RPS6KA2: variants seen among roughly 807,000 people sequenced by gnomAD.
The protein encoded by RPS6KA2 is ribosomal protein S6 kinase A2.
A neutral mutation model predicts 91.8 loss-of-function variants in RPS6KA2; 42 were observed. The observed-to-expected ratio is 0.46, with a 90% CI of 0.36 to 0.59. RPS6KA2 has a LOEUF of 0.59. Ranked by LOEUF, RPS6KA2 falls within the 20% of genes least tolerant of loss-of-function variation. The probability of loss-of-function intolerance (pLI) is 0.00; values close to 1 mark genes in which losing one functional copy is unlikely to be tolerated. For synonymous variants in RPS6KA2, 414 were observed against 393.6 expected (o/e 1.05, Z -0.61); for missense variants, 798 against 978.5 (o/e 0.82, Z 2.46).
chr6:166,565,097 C>G (rs1210820171), intron 1 of RPS6KA2, among the ~76,000 whole-genome samples: 1 of 152,316 alleles, frequency 6.6e-6, no homozygotes, highest in South Asian at 2.1e-4. Flanking sequence ...AAAGTCACTC[C>G]TGCATCTTCC....
intron 2 of RPS6KA2, among the ~76,000 whole-genome samples, chr6:166,840,342 T>C (rs974203268): frequency 2.6e-5 from 4 of 152,206 alleles, no homozygotes; most frequent in Admixed American, 2.0e-4. Context: ...CAGGCTTTCA[T>C]GTGAGAGTGC....
At chr6:166,602,798 C>T (rs1040169848) in intron 1 of RPS6KA2, among the ~76,000 whole-genome samples, 65 of 152,294 alleles carry the variant, frequency 4.3e-4, no homozygotes, top group African/African-American at 1.5e-3. Context: ...GTATCGATAA[C>T]TTCTTGATTT....
chr6:166,478,221 G>A (rs1316833515), intron 10 of RPS6KA2, among the ~76,000 whole-genome samples: 2 of 152,220 alleles, frequency 1.3e-5, no homozygotes, highest in East Asian at 1.9e-4. Context: ...GAGGCGGCAC[G>A]TCCCTTGCAC....
chr6:166,761,246 T>C (rs1363572682), intron 2 of RPS6KA2, among the ~76,000 whole-genome samples: 1 of 152,138 alleles, frequency 6.6e-6, no homozygotes, highest in East Asian at 1.9e-4. Flanking sequence ...GATTTCACCA[T>C]GTTGCCCGGG....
chr6:166,517,462 T>TTTTTG lies in RPS6KA2; in HGVS notation c.299-7106_299-7105insCAAAA, dbSNP rs1562550811. The stretch of plus-strand genomic sequence containing the variant: ...AAGGCGTTCTTTTGTTTTGTTTTTT[T>TTTTTG]TTTTTTTTTTTTTTTTTTTTTTTTG... On this transcript the variant is annotated intron_variant, in intron 3 of 20. Coordinates refer to ENST00000265678, the MANE Select transcript of RPS6KA2 (RefSeq NM_021135.6). Among the ~76,000 whole-genome samples the TTTTTG allele has an allele frequency of 3.4e-5, 2 of 59,322 alleles. 1 individual carries two copies. Among genetic ancestry groups the TTTTTG allele is most frequent in the African/African-American group, 1.0e-4 (2 of 19,432 alleles). 38.9% of individuals were successfully genotyped at this position (59,322 alleles called of 152,430 possible).
intron 2 of RPS6KA2, among the ~76,000 whole-genome samples, chr6:166,798,520 T>G (rs1779281218): frequency 6.6e-6 from 1 of 152,252 alleles, no homozygotes; most frequent in East Asian, 1.9e-4. Context: ...GAGCGCTCCC[T>G]GTTCCGGCTG....
rs540757831 is a variant in RPS6KA2 at position 166,419,782 on chromosome 6, C to T, written c.1820+100G>A. The T allele has an allele frequency of 3.2e-5, 34 of 1,066,472 alleles. No homozygotes were observed. The Admixed American group carries it at 3.5e-4, about 11-fold the overall frequency. 66.1% of individuals were successfully genotyped at this position (1,066,472 alleles called of 1,614,324 possible). On this transcript the variant is annotated intron_variant, in intron 18 of 20. Transcript: ENST00000265678. This position sits in a 1 kb window ranked among gnomAD's most constrained non-coding sequence, Gnocchi z 5.6. Reference sequence around the variant, plus strand: ...CATACACGTTGGGTTTGCCCACATGCGCACACTAGGACAGGGCTGGCCCTG... The same window carrying T: ...CATACACGTTGGGTTTGCCCACATGTGCACACTAGGACAGGGCTGGCCCTG...
At chr6:166,518,412 G>T (rs1782735127) in intron 3 of RPS6KA2, among the ~76,000 whole-genome samples, 1 of 151,678 alleles carries the variant, frequency 6.6e-6, no homozygotes, top group South Asian at 2.1e-4. Flanking sequence ...CATTCAAAAA[G>T]ATTATAAAAT....
chr6:166,515,570 G>T (rs371405440), intron 3 of RPS6KA2, among the ~76,000 whole-genome samples: 4 of 152,184 alleles, frequency 2.6e-5, no homozygotes, highest in Admixed American at 2.0e-4. Flanking sequence ...CAGCATCGGC[G>T]TGACGTCATT....
intron 4 of RPS6KA2, chr6:166,509,519 C>G (rs564731455): frequency 6.2e-6 from 1 of 160,550 alleles, no homozygotes; most frequent in Admixed American, 6.5e-5. Flanking sequence ...CTCAGATTCA[C>G]GCAAATCTCA....
At chr6:166,505,850 C>G (rs903552923) in intron 5 of RPS6KA2, among the ~76,000 whole-genome samples, 4 of 152,256 alleles carry the variant, frequency 2.6e-5, no homozygotes, top group African/African-American at 7.2e-5. Context: ...GACTGACTGA[C>G]AGCACGTTCT....
intron 10 of RPS6KA2, among the ~76,000 whole-genome samples, chr6:166,478,204 G>C (rs2128468498): frequency 6.6e-6 from 1 of 152,328 alleles, no homozygotes; most frequent in East Asian, 1.9e-4. Context: ...CGCGGTGCCT[G>C]CCACCTGAGG....
At position 166,490,687 on chromosome 6, in the gene RPS6KA2, T is replaced by C. The variant is rs1353018457; in HGVS notation, c.802A>G (p.Met268Val). Residue 268 changes from methionine (M) to valine (V), a missense_variant, in exon 9 of 21, where the codon ATG (methionine) becomes GTG (valine). Transcript: ENST00000265678. This position sits in a 1 kb window ranked among gnomAD's most constrained non-coding sequence, Gnocchi z 4.2. ...PFQGKDRKET[M>V]ALILKAKLGM... is the part of the protein sequence containing the mutation. ...ACTACTCACTTGAGGATGAGAGCCA[T>C]GGTCTCCTTCCTGTCCTTCCCCTGG... 5.6e-6 allele frequency: 9 copies of C among 1,612,014 alleles called. No homozygotes were observed. The highest frequency in any genetic ancestry group is 1.6e-4 in the Middle Eastern group (1 of 6,062).
chr6:166,466,534 C>A lies in RPS6KA2; in HGVS notation c.972+3307G>T, dbSNP rs1333219310. ...TCCTACCAGCTGCAGCCCTCAGGGT[C>A]TCCCATCCCAGGATGCTGCCCTGCC... On this transcript the variant is annotated intron_variant, in intron 11 of 20. Coordinates refer to ENST00000265678, the MANE Select transcript of RPS6KA2 (RefSeq NM_021135.6). Among the ~76,000 whole-genome samples the A allele has an allele frequency of 2.0e-5, 3 of 152,188 alleles. No individual in the cohort carries two copies. The East Asian group carries it at 5.8e-4, about 29-fold the overall frequency.
intron 1 of RPS6KA2, among the ~76,000 whole-genome samples, chr6:166,614,798 C>T (rs1475527549): frequency 2.6e-5 from 4 of 152,320 alleles, no homozygotes; most frequent in South Asian, 4.1e-4. Flanking sequence ...CACCCTTTCC[C>T]GCTTCTGCAA....
At chr6:166,759,487 C>T (rs749852487) in intron 2 of RPS6KA2, among the ~76,000 whole-genome samples, 3 of 152,134 alleles carry the variant, frequency 2.0e-5, no homozygotes, top group South Asian at 2.1e-4. Flanking sequence ...AATAATAACA[C>T]GGGGAGATTA....
At position 166,498,033 on chromosome 6, in the gene RPS6KA2, G is replaced by A. The variant is rs889276934; in HGVS notation, c.747+475C>T. On this transcript the variant is annotated intron_variant, in intron 8 of 20. Coordinates refer to ENST00000265678, the MANE Select transcript of RPS6KA2 (RefSeq NM_021135.6). The stretch of plus-strand genomic sequence containing the variant: ...AGGAGCCCACACAGTTCCTAGGGCG[G>A]AGAAGACCCAGTCCAAACTGGGTTC... 1.1e-4 allele frequency among the ~76,000 whole-genome samples: 16 copies of A among 152,262 alleles called. No individual in the cohort carries two copies. The East Asian group carries it at 2.3e-3, about 22-fold the overall frequency.
At chr6:166,829,360 G>C (rs1780121131) in intron 2 of RPS6KA2, among the ~76,000 whole-genome samples, 1 of 152,078 alleles carries the variant, frequency 6.6e-6, no homozygotes, top group Non-Finnish European at 1.5e-5. Flanking sequence ...AGGAGGCTGA[G>C]GCGGGTGGAT....
intron 2 of RPS6KA2, among the ~76,000 whole-genome samples, chr6:166,854,480 C>A (rs2345673): frequency 0.047 from 4,572 of 97,988 alleles, 90 homozygotes; most frequent in Non-Finnish European, 0.084. Flanking sequence ...AAGCCTCGCT[C>A]ACCTTTTTAT....
Sources: allele counts gnomAD v4.1 joint callset (sites outside exome capture counted in the v4.1 genomes callset), GRCh38; gene constraint gnomAD v4.1.1; non-coding constraint Gnocchi (gnomAD v3.1); transcripts MANE v1.5; gene names NCBI Gene and HGNC (gene_info 2026-07-23, HGNC 2026-07-21).